The following PTPRD variants were observed in gnomAD, a reference collection of about 807,000 sequenced individuals.
PTPRD encodes the protein protein tyrosine phosphatase receptor type D, also known as receptor-type tyrosine-protein phosphatase delta.
Under a neutral mutation model 214.5 loss-of-function variants are expected in PTPRD, and 34 were observed. The ratio of observed to expected loss-of-function variants is 0.16; its 90% CI spans 0.12 to 0.21. PTPRD has a LOEUF of 0.21. PTPRD is among the 10% of genes least tolerant of loss of function. The probability of loss-of-function intolerance (pLI) is 1.00; values close to 1 mark genes in which losing one functional copy is unlikely to be tolerated. For missense variants in PTPRD, 2,545 were observed against 2,398.7 expected, an observed-to-expected ratio of 1.06 and a Z score of -1.27; for synonymous variants, 1,128 against 845.7, an observed-to-expected ratio of 1.33 and a Z score of -5.79.
intron 5 of PTPRD, among the ~76,000 whole-genome samples, chr9:9,785,413 T>G (rs1045695101): frequency 2.0e-5 from 3 of 152,082 alleles, no homozygotes; most frequent in African/African-American, 4.8e-5. Flanking sequence ...TATATATCAT[T>G]ATCATGTACC....
chr9:8,799,875 A>G (rs1259638916), intron 11 of PTPRD, among the ~76,000 whole-genome samples: 1 of 151,850 alleles, frequency 6.6e-6, no homozygotes, highest in African/African-American at 2.4e-5. Context: ...TCAAGTTGGT[A>G]TGTGACTTCA....
At chr9:8,920,755 C>T (rs1215665165) in intron 11 of PTPRD, among the ~76,000 whole-genome samples, 2 of 152,192 alleles carry the variant, frequency 1.3e-5, no homozygotes, top group African/African-American at 2.4e-5. Context: ...AATACTAAAA[C>T]ATGACACAAC....
At chr9:8,862,803 G>A (rs2098129166) in intron 11 of PTPRD, among the ~76,000 whole-genome samples, 1 of 152,052 alleles carries the variant, frequency 6.6e-6, no homozygotes, top group Non-Finnish European at 1.5e-5. Context: ...ATCATTCTCA[G>A]TAAACTATCG....
chr9:8,332,767 G>C (rs968919231), intron 43 of PTPRD, among the ~76,000 whole-genome samples: 1 of 152,050 alleles, frequency 6.6e-6, no homozygotes, highest in Non-Finnish European at 1.5e-5. Flanking sequence ...CTTCTCCCCT[G>C]ACTCATCAGC....
chr9:10,282,761 C>A (rs1374851053), intron 3 of PTPRD, among the ~76,000 whole-genome samples: 1 of 151,980 alleles, frequency 6.6e-6, no homozygotes, highest in African/African-American at 2.4e-5. Context: ...GATTTAGAAC[C>A]ATCAGCTTCA....
intron 29 of PTPRD, 21 bp downstream of exon 29, chr9:8,485,206 A>C (rs1394122299): frequency 6.3e-7 from 1 of 1,597,922 alleles, no homozygotes; most frequent in African/African-American, 1.3e-5. Flanking sequence ...GTGATTTCTT[A>C]CAAATTAGAA....
At chr9:8,712,727 G>A (rs1032680462) in intron 12 of PTPRD, among the ~76,000 whole-genome samples, 3 of 151,714 alleles carry the variant, frequency 2.0e-5, no homozygotes, top group African/African-American at 7.3e-5. Flanking sequence ...CTTTTTTGGG[G>A]GGTGGGGGGC....
At chr9:9,281,324 G>C (rs1322820723) in intron 9 of PTPRD, among the ~76,000 whole-genome samples, 1 of 151,100 alleles carries the variant, frequency 6.6e-6, no homozygotes, top group Non-Finnish European at 1.5e-5. Context: ...GCCACAAACT[G>C]GGAGAAAACA....
intron 4 of PTPRD, among the ~76,000 whole-genome samples, chr9:9,991,693 G>C (rs1054460416): frequency 6.6e-6 from 1 of 152,130 alleles, no homozygotes; most frequent in African/African-American, 2.4e-5. Context: ...ACAGTGCACA[G>C]TCAAGTCATA....
intron 14 of PTPRD, among the ~76,000 whole-genome samples, chr9:8,555,933 T>C (rs919586119): frequency 6.6e-6 from 1 of 152,088 alleles, no homozygotes; most frequent in Admixed American, 6.5e-5. Flanking sequence ...CAGAAATGGG[T>C]CAGAGCAGAT....
At chr9:9,619,140 T>C (rs191680009) in intron 7 of PTPRD, among the ~76,000 whole-genome samples, 7 of 152,062 alleles carry the variant, frequency 4.6e-5, no homozygotes, top group Non-Finnish European at 1.0e-4. Context: ...AACGCATGAG[T>C]TGTGAGGAGG....
At chr9:8,996,042 T>C (rs2099395363) in intron 11 of PTPRD, among the ~76,000 whole-genome samples, 1 of 152,064 alleles carries the variant, frequency 6.6e-6, no homozygotes, top group Non-Finnish European at 1.5e-5. Flanking sequence ...GAAAAACAGT[T>C]TGGCAGTTTC....
chr9:8,571,462 A>C (rs957735203), intron 14 of PTPRD, among the ~76,000 whole-genome samples: 2 of 152,162 alleles, frequency 1.3e-5, no homozygotes, highest in Non-Finnish European at 2.9e-5. Flanking sequence ...GAACACCATC[A>C]AAATCATCCA....
chr9:10,255,082 A>C (rs921214509), intron 3 of PTPRD, among the ~76,000 whole-genome samples: 5 of 152,234 alleles, frequency 3.3e-5, no homozygotes, highest in Non-Finnish European at 7.3e-5. Context: ...AACAATTAGC[A>C]AGAATGTTTA....
chr9:8,705,396 C>A (rs1036041704), intron 12 of PTPRD, among the ~76,000 whole-genome samples: 1 of 152,046 alleles, frequency 6.6e-6, no homozygotes, highest in Non-Finnish European at 1.5e-5. Context: ...ATTTCTGTAC[C>A]TAAATTTGTT....
intron 2 of PTPRD, among the ~76,000 whole-genome samples, chr9:10,348,327 A>C (rs556730879): frequency 6.6e-6 from 1 of 152,300 alleles, no homozygotes; most frequent in South Asian, 2.1e-4. Flanking sequence ...TTGTTATCTA[A>C]GTTTCTAAGA....
intron 3 of PTPRD, among the ~76,000 whole-genome samples, chr9:10,333,337 T>G (rs556765639): frequency 2.6e-5 from 4 of 151,892 alleles, no homozygotes; most frequent in Admixed American, 2.6e-4. Context: ...TGTTCAGCAC[T>G]AGACACTGGA....
In PTPRD at chr9:8,349,681, C is replaced by T. The variant is rs80150740; in HGVS notation, c.4662-7703G>A. 8.2e-4 allele frequency among the ~76,000 whole-genome samples: 125 copies of T among 152,232 alleles called. 4 individuals carry two copies. The East Asian group carries it at 0.024, about 29-fold the overall frequency. On this transcript the variant is annotated intron_variant, in intron 39 of 45. Coordinates refer to ENST00000381196, the MANE Select transcript of PTPRD (RefSeq NM_002839.4). ...TAAATATCTTTTTAAAAAAGGAGTG[C>T]ATAACCCTGTGCTTCAGGCTGAGGC...
intron 3 of PTPRD, among the ~76,000 whole-genome samples, chr9:10,295,111 G>T (rs2095637793): frequency 6.6e-6 from 1 of 151,966 alleles, no homozygotes; most frequent in Non-Finnish European, 1.5e-5. Flanking sequence ...AATCTCTAAA[G>T]GATATTGTAT....
Sources: allele counts gnomAD v4.1 joint callset (sites outside exome capture counted in the v4.1 genomes callset), GRCh38; gene constraint gnomAD v4.1.1; transcripts MANE v1.5; gene names NCBI Gene and HGNC (gene_info 2026-07-23, HGNC 2026-07-21).